SGCB: variants seen among roughly 807,000 people sequenced by gnomAD.
The protein encoded by SGCB is sarcoglycan beta, also known as beta-sarcoglycan.
In SGCB, 25 loss-of-function variants were observed where a neutral mutation model predicts 27.3. The observed-to-expected ratio is 0.92, with a 90% CI of 0.67 to 1.28. SGCB has a LOEUF of 1.28. Among genes scored for constraint, SGCB ranks in the 50% most tolerant of loss-of-function variants. SGCB has a pLI of 0.00. For missense variants in SGCB, 436 were observed against 402.1 expected, an observed-to-expected ratio of 1.08 and a Z score of -0.72; for synonymous variants, 147 against 133.5, an observed-to-expected ratio of 1.10 and a Z score of -0.70.
At chr4:52,034,859 G>A (rs1737345582) in intron 1 of SGCB, among the ~76,000 whole-genome samples, 1 of 152,132 alleles carries the variant, frequency 6.6e-6, no homozygotes, top group South Asian at 2.1e-4. Context: ...GCCCATGAAT[G>A]TAAAGGCTAC....
chr4:52,025,167 C>G (rs1267738162), intron 5 of SGCB, among the ~76,000 whole-genome samples: 2 of 152,104 alleles, frequency 1.3e-5, no homozygotes, highest in Non-Finnish European at 2.9e-5. Flanking sequence ...ACAGGCAAAG[C>G]CCAAGTTCTT....
At chr4:52,030,095 G>A (rs547971878) in intron 2 of SGCB, among the ~76,000 whole-genome samples, 1 of 152,050 alleles carries the variant, frequency 6.6e-6, no homozygotes, top group Non-Finnish European at 1.5e-5. Context: ...AATTTAAAAT[G>A]AATAGTTTCT....
rs762114570 is a variant in SGCB at position 52,028,752 on chromosome 4, ACATT to A, written c.595_598del (p.Asn199PhefsTer17). 2 of 1,612,998 alleles carry A rather than the reference ACATT, an allele frequency of 1.2e-6. No individual in the cohort carries two copies. Among genetic ancestry groups the A allele is most frequent in the African/African-American group, 2.7e-5 (2 of 74,898 alleles). On this transcript the variant is annotated frameshift_variant, in exon 4 of 6. Coordinates refer to ENST00000381431, the MANE Select transcript of SGCB (RefSeq NM_000232.5). LOFTEE classifies it high-confidence loss of function. ...TACCCTTTCAGTAGATGCCTTTTGA[ACATT>A]CAAACTTTTCACTCCACTTGGCAAA...
Position 52,022,215 on chromosome 4 carries a change from C to T in SGCB, c.*1742G>A, listed in dbSNP as rs1308867298. ...CAGCGCTCAGTGTTAGGTAGTAAGT[C>T]AATCCAATTTCAGTATAAATTAATG... On this transcript the variant is annotated 3_prime_UTR_variant, in exon 6 of 6. Coordinates refer to ENST00000381431, the MANE Select transcript of SGCB (RefSeq NM_000232.5). 1 of 152,184 alleles carries T rather than the reference C, an allele frequency of 6.6e-6. No homozygotes were observed. The highest frequency in any genetic ancestry group is 1.5e-5 in the Non-Finnish European group (1 of 68,030). 9.4% of individuals were successfully genotyped at this position (152,184 alleles called of 1,614,324 possible).
rs1365954075 is a variant in SGCB, at chr4:52,023,366, T to C, written c.*591A>G. On this transcript the variant is annotated 3_prime_UTR_variant, in exon 6 of 6. Transcript: ENST00000381431. ...CACCACATTGTGAACAATTGATAGT[T>C]ATCATTATTTCAAATAAACATTCTT... 1 of 153,192 alleles carries C rather than the reference T, an allele frequency of 6.5e-6. No individual in the cohort carries two copies. The highest frequency in any genetic ancestry group is 2.4e-5 in the African/African-American group (1 of 41,470). 9.5% of individuals were successfully genotyped at this position (153,192 alleles called of 1,614,324 possible).
Position 52,028,859 on chromosome 4 carries a change from A to G in SGCB, c.492T>C (p.Ser164=). ...SVENNKTSIT[S]DIGMQFFDPR... Reference sequence around the variant, plus strand: ...GGTCAAAAAACTGCATGCCGATGTCACTTGTAATAGAAGTTTTGTTGTTTT... The same window carrying G: ...GGTCAAAAAACTGCATGCCGATGTCGCTTGTAATAGAAGTTTTGTTGTTTT... The change falls in exon 4 of 6, where the codon AGT becomes AGC. Residue 164 remains serine (S), a synonymous_variant. Transcript: ENST00000381431. 2 of 1,613,944 alleles carry G rather than the reference A, an allele frequency of 1.2e-6. No individual in the cohort carries two copies. Among genetic ancestry groups the G allele is most frequent in the Non-Finnish European group, 1.7e-6 (2 of 1,179,846 alleles).
chr4:52,026,536 C>T (rs1419822975), intron 5 of SGCB, among the ~76,000 whole-genome samples: 3 of 152,086 alleles, frequency 2.0e-5, no homozygotes, highest in Admixed American at 2.0e-4. Flanking sequence ...AGATTACAGG[C>T]GTAAGTCATC....
intron 1 of SGCB, among the ~76,000 whole-genome samples, chr4:52,037,971 C>T (rs1477325013): frequency 3.3e-5 from 5 of 152,132 alleles, no homozygotes; most frequent in Non-Finnish European, 5.9e-5. Flanking sequence ...GGAAGGAGAC[C>T]CCTCCTCACC....
rs747907287 is a variant in SGCB, at chr4:52,027,985, T to C, written c.736A>G (p.Asn246Asp). ...GKTIEFHMGG[N>D]MELKAENSII... ...ATACTCACCGCCTTTAACTCCATAT[T>C]ACCACCCATGTGAAATTCAATGGTT... The change falls in exon 5 of 6, where the codon AAT becomes GAT. Residue 246 changes from asparagine to aspartate, a missense_variant. Transcript: ENST00000381431. 3 of 1,613,876 alleles carry C rather than the reference T, an allele frequency of 1.9e-6. No individual in the cohort carries two copies. The highest frequency in any genetic ancestry group is 2.5e-6 in the Non-Finnish European group (3 of 1,179,828).
At position 52,023,901 on chromosome 4, in the gene SGCB, C is replaced by T; in HGVS notation, c.*56G>A. ...CAAACTCTGTAAAAACAATGATTTGCATGCATAAAAAAGTCAAGTCAAGAT... is the reference window on the plus strand; with the variant it reads ...CAAACTCTGTAAAAACAATGATTTGTATGCATAAAAAAGTCAAGTCAAGAT... On this transcript the variant is annotated 3_prime_UTR_variant, in exon 6 of 6. Coordinates refer to ENST00000381431, the MANE Select transcript of SGCB (RefSeq NM_000232.5). The T allele has an allele frequency of 7.8e-7, 1 of 1,281,942 alleles. No homozygotes were observed. The highest frequency in any genetic ancestry group is 1.1e-6 in the Non-Finnish European group (1 of 878,380). 79.4% of individuals were successfully genotyped at this position (1,281,942 alleles called of 1,614,324 possible).
intron 4 of SGCB, among the ~76,000 whole-genome samples, 169 bp from the exon 5 acceptor site, chr4:52,028,268 CA>C (rs1338923484): frequency 6.6e-6 from 1 of 152,212 alleles, no homozygotes; most frequent in Non-Finnish European, 1.5e-5. Context: ...AATGATCACA[CA>C]AGCTAGTTAA....
At chr4:52,025,293 G>A (rs1268098060) in intron 5 of SGCB, among the ~76,000 whole-genome samples, 1 of 152,200 alleles carries the variant, frequency 6.6e-6, no homozygotes, top group Non-Finnish European at 1.5e-5. Context: ...GATAAGTAGA[G>A]AGTGAGCAGA....
intron 5 of SGCB, among the ~76,000 whole-genome samples, chr4:52,026,509 GGCTTCC>G (rs1560566653): frequency 6.6e-6 from 1 of 151,662 alleles, no homozygotes; most frequent in African/African-American, 2.4e-5. Flanking sequence ...CACCCGCCTT[GGCTTCC>G]TAAAGTGCTG....
intron 3 of SGCB, among the ~76,000 whole-genome samples, chr4:52,029,236 A>T (rs1737186128): frequency 6.6e-6 from 1 of 152,180 alleles, no homozygotes; most frequent in Non-Finnish European, 1.5e-5. Context: ...TTCAGTTGAA[A>T]ACTATGTTTT....
intron 2 of SGCB, 47 bp from the exon 3 acceptor site, chr4:52,029,910 T>C (rs1444803369): frequency 7.2e-7 from 1 of 1,396,204 alleles, no homozygotes; most frequent in African/African-American, 1.4e-5. Flanking sequence ...ATACATTTAA[T>C]GTAATTGGAA....
Position 52,028,018 on chromosome 4 carries a change from T to C in SGCB, c.703A>G (p.Met235Val). The change falls in exon 5 of 6, where the codon ATG becomes GTG. Residue 235 changes from methionine to valine, a missense_variant. Physicochemically the swap from Met to Val is conservative, Grantham distance 21. Transcript: ENST00000381431. ...ATGTGAAATTCAATGGTTTTGCCCATAATGAATACACCTTCATTTCCACGC... is the reference window on the plus strand; with the variant it reads ...ATGTGAAATTCAATGGTTTTGCCCACAATGAATACACCTTCATTTCCACGC... ...IVRGNEGVFIMGKTIEFHMGG... is the reference protein window; with the variant it reads ...IVRGNEGVFIVGKTIEFHMGG... The C allele has an allele frequency of 6.2e-7, 1 of 1,613,294 alleles. No individual in the cohort carries two copies. Among genetic ancestry groups the C allele is most frequent in the African/African-American group, 1.3e-5 (1 of 75,048 alleles).
At chr4:52,031,990 C>T (rs553284433) in intron 2 of SGCB, 7 of 455,530 alleles carry the variant, frequency 1.5e-5, no homozygotes, top group Non-Finnish European at 2.2e-5. Flanking sequence ...GAAAAGAGAG[C>T]GTGGGAAAGG....
At chr4:52,035,707 T>C (rs1433347349) in intron 1 of SGCB, among the ~76,000 whole-genome samples, 1 of 151,872 alleles carries the variant, frequency 6.6e-6, no homozygotes, top group Non-Finnish European at 1.5e-5. Flanking sequence ...TAAACTAAAG[T>C]GGGATGAAAA....
Position 52,024,114 on chromosome 4 carries a change from C to A in SGCB, c.800G>T (p.Arg267Leu), listed in dbSNP as rs114778658. Residue 267 changes from arginine to leucine, a missense_variant, in exon 6 of 6, where the codon CGC becomes CTC. By Grantham distance (102) the Arg-to-Leu change is moderately radical. Coordinates refer to ENST00000381431, the MANE Select transcript of SGCB (RefSeq NM_000232.5). ...GTCTCCACTGGAGGAACTGGGTAGG[C>A]GGGTGGTGCTGACCATCACAGATCC... ...LNGSVMVSTT[R>L]LPSSSSGDQL... 1.9e-6 allele frequency: 3 copies of A among 1,614,040 alleles called. No homozygotes were observed. Among genetic ancestry groups the A allele is most frequent in the Non-Finnish European group, 2.5e-6 (3 of 1,179,990 alleles).
Sources: gnomAD v4.1 joint callset for allele counts (sites outside exome capture counted in the v4.1 genomes callset) on GRCh38, gnomAD v4.1.1 for gene constraint, MANE v1.5 for transcripts, NCBI Gene and HGNC (gene_info 2026-07-23, HGNC 2026-07-21) for gene names.